The following PGCKA1 variants were observed in gnomAD, a reference collection of about 807,000 sequenced individuals.
The protein encoded by PGCKA1 is PDCD10 and GCKIII kinases-associated protein 1.
At chr4:37,590,598 C>T in the PGCKA1 span, 1 of 1,614,048 alleles carries the variant, frequency 6.2e-7, no homozygotes, top group East Asian at 2.2e-5. Context: ...ACCATGTCTT[C>T]CAGATACCAG....
At chr4:37,572,063 CTTTTT>C in the PGCKA1 span, among the ~76,000 whole-genome samples, 7 of 89,972 alleles carry the variant, frequency 7.8e-5, no homozygotes, top group African/African-American at 3.4e-4. Flanking sequence ...TTTTTTTTTT[CTTTTT>C]TTTTTTTTTT....
At chr4:37,492,698 C>G in the PGCKA1 span, among the ~76,000 whole-genome samples, 9 of 152,106 alleles carry the variant, frequency 5.9e-5, no homozygotes, top group African/African-American at 2.2e-4. This position sits in a 1 kb window ranked among gnomAD's most constrained non-coding sequence, Gnocchi z 4.7. Context: ...TGGCCCTCAC[C>G]AAAGGATAAA....
At chr4:37,485,294 G>A in the PGCKA1 span, among the ~76,000 whole-genome samples, 1 of 152,224 alleles carries the variant, frequency 6.6e-6, no homozygotes, top group Non-Finnish European at 1.5e-5. Context: ...CAGAGCCACA[G>A]TGTTGAGAGG....
the PGCKA1 span, among the ~76,000 whole-genome samples, chr4:37,541,127 T>A: frequency 2.0e-5 from 3 of 152,126 alleles, no homozygotes; most frequent in African/African-American, 7.2e-5. Context: ...CAGTTATTAT[T>A]ATGAACTGAA....
chr4:37,580,756 T>C, the PGCKA1 span, among the ~76,000 whole-genome samples: 1 of 152,198 alleles, frequency 6.6e-6, no homozygotes, highest in Non-Finnish European at 1.5e-5. Context: ...AACCACTAGC[T>C]AGCTAGCTCC....
chr4:37,513,938 T>C, the PGCKA1 span, among the ~76,000 whole-genome samples: 1 of 152,188 alleles, frequency 6.6e-6, no homozygotes, highest in Admixed American at 6.5e-5. Flanking sequence ...AGTCAACACA[T>C]CCTAGTAAAC....
the PGCKA1 span, among the ~76,000 whole-genome samples, chr4:37,456,069 TTTCTTTTTGGTCA>T: frequency 0.014 from 2,104 of 152,302 alleles, 47 homozygotes; most frequent in African/African-American, 0.047. Flanking sequence ...TTAGGCAGAT[TTTCTTTTTGGTCA>T]TTCTTTTTGG....
chr4:37,466,660 A>G, the PGCKA1 span, among the ~76,000 whole-genome samples: 4 of 149,922 alleles, frequency 2.7e-5, no homozygotes, highest in East Asian at 5.8e-4. Flanking sequence ...TTCCTAGGAT[A>G]GTCAATAAGA....
the PGCKA1 span, among the ~76,000 whole-genome samples, chr4:37,580,797 A>G: frequency 1.3e-5 from 2 of 152,196 alleles, no homozygotes; most frequent in African/African-American, 2.4e-5. Context: ...AGGCTCTACA[A>G]TCAACAGGTG....
the PGCKA1 span, among the ~76,000 whole-genome samples, chr4:37,559,258 T>C: frequency 1.7e-5 from 2 of 117,636 alleles, no homozygotes; most frequent in Non-Finnish European, 3.5e-5. Flanking sequence ...TGGAATACTA[T>C]GCAGCCATAA....
chr4:37,535,356 G>A, the PGCKA1 span, among the ~76,000 whole-genome samples: 2 of 152,172 alleles, frequency 1.3e-5, no homozygotes, highest in Non-Finnish European at 2.9e-5. Context: ...TCACTGCACT[G>A]CAAACTGGGT....
At chr4:37,516,190 G>A in the PGCKA1 span, among the ~76,000 whole-genome samples, 1 of 152,238 alleles carries the variant, frequency 6.6e-6, no homozygotes, top group East Asian at 1.9e-4. Context: ...GCTAAAGGAA[G>A]AGTGATCTAA....
the PGCKA1 span, among the ~76,000 whole-genome samples, chr4:37,586,785 C>T: frequency 1.3e-5 from 2 of 152,132 alleles, no homozygotes; most frequent in Non-Finnish European, 2.9e-5. Flanking sequence ...TGGCAGGCAC[C>T]TGTAATCCCA....
chr4:37,580,750 ACTAG>A, the PGCKA1 span, among the ~76,000 whole-genome samples: 1 of 152,164 alleles, frequency 6.6e-6, no homozygotes, highest in Non-Finnish European at 1.5e-5. Context: ...CTCTGTAACC[ACTAG>A]CTAGCTAGCT....
chr4:37,480,040 T>C, the PGCKA1 span, among the ~76,000 whole-genome samples: 1 of 152,106 alleles, frequency 6.6e-6, no homozygotes, highest in Non-Finnish European at 1.5e-5. Context: ...CAGTGGGGAA[T>C]CAGATAGAAT....
At chr4:37,494,275 C>G in the PGCKA1 span, among the ~76,000 whole-genome samples, 1 of 152,132 alleles carries the variant, frequency 6.6e-6, no homozygotes, top group Non-Finnish European at 1.5e-5. Context: ...CCTGATCCTC[C>G]CTTCTACCCT....
chr4:37,455,677 C>T, the PGCKA1 span, among the ~76,000 whole-genome samples: 1 of 152,178 alleles, frequency 6.6e-6, no homozygotes, highest in Non-Finnish European at 1.5e-5. Flanking sequence ...CATACCAACT[C>T]AACACGTTCC....
chr4:37,495,179 G>C, the PGCKA1 span, among the ~76,000 whole-genome samples: 1 of 152,234 alleles, frequency 6.6e-6, no homozygotes, highest in East Asian at 1.9e-4. Flanking sequence ...ATCACAATGA[G>C]ATACCATCTC....
chr4:37,534,667 G>A, the PGCKA1 span, among the ~76,000 whole-genome samples: 1 of 152,194 alleles, frequency 6.6e-6, no homozygotes, highest in African/African-American at 2.4e-5. Flanking sequence ...GCGAGGGCTT[G>A]CTGTCACCCA....
Sources: gnomAD v4.1 joint callset for allele counts (sites outside exome capture counted in the v4.1 genomes callset) on GRCh38, gnomAD v4.1.1 for gene constraint, Gnocchi (gnomAD v3.1) non-coding constraint, MANE v1.5 for transcripts, NCBI Gene and HGNC (gene_info 2026-07-23, HGNC 2026-07-21) for gene names.